AP2A2: variants seen among roughly 807,000 people sequenced by gnomAD.
The protein encoded by AP2A2 is adaptor related protein complex 2 subunit alpha 2.
A neutral mutation model predicts 104.2 loss-of-function variants in AP2A2; 32 were observed. That is an observed-to-expected ratio of 0.31 (90% CI 0.23 to 0.41). The LOEUF is 0.41. Ranked by LOEUF, AP2A2 falls within the 10% of genes least tolerant of loss-of-function variation. AP2A2 has a pLI of 1.00. For missense variants in AP2A2, 912 were observed against 1,261.0 expected, an observed-to-expected ratio of 0.72 and a Z score of 4.19; for synonymous variants, 539 against 533.3, an observed-to-expected ratio of 1.01 and a Z score of -0.15.
At chr11:1,003,146 G>T (rs1856080228) in intron 15 of AP2A2, among the ~76,000 whole-genome samples, 1 of 149,002 alleles carries the variant, frequency 6.7e-6, no homozygotes, top group Non-Finnish European at 1.5e-5. Flanking sequence ...GTGTAGATAG[G>T]TGCCCTGTGG....
intron 1 of AP2A2, among the ~76,000 whole-genome samples, chr11:933,012 G>A (rs898565826): frequency 6.6e-6 from 1 of 152,226 alleles, no homozygotes; most frequent in African/African-American, 2.4e-5. Context: ...GTTCACGCCT[G>A]TAATCCCAGC....
intron 2 of AP2A2, among the ~76,000 whole-genome samples, chr11:967,023 T>C (rs28690498): frequency 0.99 from 150,312 of 152,068 alleles, 74,298 homozygotes; most frequent in Middle Eastern, 1. Flanking sequence ...AAAAATTGGC[T>C]GGGTGTGGTG....
intron 3 of AP2A2, 24 bp downstream of exon 3, chr11:970,335 C>T (rs377714315): frequency 1.7e-4 from 278 of 1,609,554 alleles, no homozygotes; most frequent in Non-Finnish European, 2.1e-4. Flanking sequence ...CAGGTGGAGA[C>T]GGCAGAGGAT....
chr11:977,329 G>A, intron 5 of AP2A2, 105 bp downstream of exon 5: 1 of 1,431,050 alleles, frequency 7.0e-7, no homozygotes, highest in Non-Finnish European at 9.3e-7. Flanking sequence ...AGGAGAGGCT[G>A]TCACAGGGGC....
chr11:992,785 G>C lies in AP2A2; in HGVS notation c.1452+100G>C, dbSNP rs1257788314. On this transcript the variant is annotated intron_variant, in intron 11 of 21. Coordinates refer to ENST00000448903, the MANE Select transcript of AP2A2 (RefSeq NM_012305.4). The surrounding 1 kb of genome is among the most constrained non-coding windows in gnomAD (Gnocchi z 6.4). ...TGCCTGCGTGGAGGTGCCGAGGGCC[G>C]TTGCTGACCCCTCTTGCCCCTCAGC... 2 of 1,316,784 alleles carry C rather than the reference G, an allele frequency of 1.5e-6. No homozygotes were observed. The highest frequency in any genetic ancestry group is 2.1e-6 in the Non-Finnish European group (2 of 934,316). The allele number at this position is 1,316,784 out of a possible 1,614,324, so 81.6% of individuals were successfully genotyped here. A position where few individuals can be genotyped will look rare whatever the true frequency, so the allele number is the denominator to read the frequency against.
chr11:935,602 A>ATTTTTTTTTTTTTTTTTT, intron 1 of AP2A2, among the ~76,000 whole-genome samples: 2 of 40,654 alleles, frequency 4.9e-5, no homozygotes, highest in South Asian at 3.0e-3. Context: ...GTGCCCGGCC[A>ATTTTTTTTTTTTTTTTTT]GTTTTTTTTT....
chr11:952,952 C>T (rs758056673), intron 1 of AP2A2, among the ~76,000 whole-genome samples: 7 of 152,206 alleles, frequency 4.6e-5, no homozygotes, highest in Non-Finnish European at 7.3e-5. Context: ...GCCAGGAGCA[C>T]GCTCTGCTCC....
chr11:977,320 G>A, intron 5 of AP2A2, 96 bp downstream of exon 5: 1 of 1,465,452 alleles, frequency 6.8e-7, no homozygotes, highest in Middle Eastern at 1.9e-4. Context: ...GGGATGCCCA[G>A]GAGAGGCTGT....
intron 1 of AP2A2, among the ~76,000 whole-genome samples, chr11:929,412 A>G (rs1369931496): frequency 4.6e-5 from 7 of 152,166 alleles, no homozygotes; most frequent in African/African-American, 1.4e-4. Context: ...CACAGCGGAC[A>G]GTTGAAGGGC....
intron 1 of AP2A2, among the ~76,000 whole-genome samples, chr11:936,323 C>T (rs1853459434): frequency 6.6e-6 from 1 of 151,010 alleles, no homozygotes; most frequent in Non-Finnish European, 1.5e-5. Flanking sequence ...AGCAGTCCTC[C>T]CATCTCAGCC....
Position 984,823 on chromosome 11 carries a change from G to A in AP2A2, c.814+70G>A. The A allele has an allele frequency of 3.1e-6, 4 of 1,301,052 alleles. 1 individual carries two copies. In the South Asian group the frequency reaches 4.7e-5, roughly 15 times the overall value. 80.6% of individuals were successfully genotyped at this position (1,301,052 alleles called of 1,614,324 possible). A position where few individuals can be genotyped will look rare whatever the true frequency, so the allele number is the denominator to read the frequency against. The stretch of plus-strand genomic sequence containing the variant: ...TGATTCCCTGTCTCAGATTTAAGTG[G>A]TTTGTTTGTTATTTTAAGAAGTGTG... On this transcript the variant is annotated intron_variant, in intron 7 of 21. Transcript: ENST00000448903.
intron 4 of AP2A2, among the ~76,000 whole-genome samples, chr11:972,936 C>T (rs1303654151): frequency 6.6e-6 from 1 of 152,264 alleles, no homozygotes; most frequent in East Asian, 1.9e-4. Context: ...CTCGGCCATC[C>T]GTTCCGTCCC....
chr11:980,060 T>C (rs562683614), intron 5 of AP2A2, among the ~76,000 whole-genome samples: 3,206 of 146,096 alleles, frequency 0.022, 136 homozygotes, highest in African/African-American at 0.077. Flanking sequence ...CCTGGAGCGG[T>C]GACAGGCTGC....
chr11:958,300 G>T (rs1489852653), intron 1 of AP2A2, among the ~76,000 whole-genome samples: 1 of 152,232 alleles, frequency 6.6e-6, no homozygotes, highest in Non-Finnish European at 1.5e-5. Flanking sequence ...CAGGCTTCCA[G>T]CCTGCAGGCC....
intron 1 of AP2A2, among the ~76,000 whole-genome samples, chr11:927,150 C>T (rs1853146593): frequency 6.6e-6 from 1 of 152,138 alleles, no homozygotes; most frequent in South Asian, 2.1e-4. Context: ...CACTCAACCT[C>T]CCACCTCAAG....
chr11:939,950 A>G (rs1453571467), intron 1 of AP2A2, among the ~76,000 whole-genome samples: 2 of 117,786 alleles, frequency 1.7e-5, no homozygotes, highest in Non-Finnish European at 3.5e-5. Flanking sequence ...TGTTTTGCTT[A>G]CTTTTTTTTT....
rs370199871 is a variant in AP2A2, at chr11:981,161, C to T, written c.604-37C>T. Reference sequence around the variant, plus strand: ...ATGAGTGAACACAAGTGGTTAGCTTCAAGTGTTCTGACTCTTGTGTGTGTG... The same window carrying T: ...ATGAGTGAACACAAGTGGTTAGCTTTAAGTGTTCTGACTCTTGTGTGTGTG... On this transcript the variant is annotated intron_variant, in intron 5 of 21. Transcript: ENST00000448903. 2.6e-6 allele frequency: 4 copies of T among 1,552,240 alleles called. No individual in the cohort carries two copies. The South Asian group carries it at 3.5e-5, about 14-fold the overall frequency.
rs777924804 is a variant in AP2A2, at chr11:994,055, C to A, written c.1783-17C>A. The stretch of plus-strand genomic sequence containing the variant: ...GGCCAGGAGCTCTGACCAGTCCCAC[C>A]CTGTGTTCTTTCCAAGGCGACCGTG... On this transcript the variant is annotated splice_polypyrimidine_tract_variant and intron_variant, in intron 13 of 21. Transcript: ENST00000448903. The A allele has an allele frequency of 6.2e-7, 1 of 1,612,124 alleles. No homozygotes were observed. The highest frequency in any genetic ancestry group is 2.2e-5 in the East Asian group (1 of 44,876).
rs914376278 is a variant in AP2A2, at chr11:968,359, C to G, written c.137-1810C>G. Among the ~76,000 whole-genome samples, 1 of 152,022 alleles carries G rather than the reference C, an allele frequency of 6.6e-6. No individual in the cohort carries two copies. The highest frequency in any genetic ancestry group is 1.5e-5 in the Non-Finnish European group (1 of 68,004). Reference sequence around the variant, plus strand: ...ACCCGGGAGCTCTAGAGCAGCTCTTCGTCTGGGGTCCCGCGGGAGCAGAGG... The same window carrying G: ...ACCCGGGAGCTCTAGAGCAGCTCTTGGTCTGGGGTCCCGCGGGAGCAGAGG... On this transcript the variant is annotated intron_variant, in intron 2 of 21. Transcript: ENST00000448903. The surrounding 1 kb of genome is among the most constrained non-coding windows in gnomAD (Gnocchi z 4.2).
Sources: allele counts gnomAD v4.1 joint callset (sites outside exome capture counted in the v4.1 genomes callset), GRCh38; gene constraint gnomAD v4.1.1; non-coding constraint Gnocchi (gnomAD v3.1); transcripts MANE v1.5; gene names NCBI Gene and HGNC (gene_info 2026-07-23, HGNC 2026-07-21).